Variants in SBSPON observed in about 807,000 individuals in gnomAD.
SBSPON encodes the protein somatomedin-B and thrombospondin type-1 domain-containing protein.
In SBSPON, 30 loss-of-function variants were observed where a neutral mutation model predicts 35.8. That is an observed-to-expected ratio of 0.84 (90% CI 0.63 to 1.14). The LOEUF (loss-of-function observed/expected upper bound fraction) is 1.14, where lower values mean the gene tolerates loss of function less well. SBSPON is among the 50% of genes most tolerant of loss of function. The pLI, the probability that SBSPON is intolerant of heterozygous loss-of-function variation, is 0.00. For synonymous variants in SBSPON, 136 were observed against 135.9 expected (o/e 1.00, Z 0.00); for missense variants, 364 against 357.7 (o/e 1.02, Z -0.14).
At chr8:73,088,774 T>C (rs1334517947) in intron 1 of SBSPON, among the ~76,000 whole-genome samples, 6 of 152,228 alleles carry the variant, frequency 3.9e-5, no homozygotes, top group Non-Finnish European at 7.3e-5. Context: ...TGCTGAAACC[T>C]GATTTATCTA....
At chr8:73,068,810 G>A (rs1254865408) in intron 4 of SBSPON, among the ~76,000 whole-genome samples, 1 of 152,154 alleles carries the variant, frequency 6.6e-6, no homozygotes, top group Non-Finnish European at 1.5e-5. Context: ...GCCAAAGCCG[G>A]CCTACCCCTT....
At chr8:73,080,949 CT>C in intron 2 of SBSPON, 69 bp downstream of exon 2, 1 of 1,400,046 alleles carries the variant, frequency 7.1e-7, no homozygotes, top group Non-Finnish European at 9.7e-7. Context: ...AGCATATGGC[CT>C]TTTGTAGGAT....
At chr8:73,092,069 T>G (rs538314407) in intron 1 of SBSPON, among the ~76,000 whole-genome samples, 136 of 152,358 alleles carry the variant, frequency 8.9e-4, no homozygotes, top group African/African-American at 3.2e-3. Context: ...TGTTCCTTTA[T>G]CTTTTAATTC....
chr8:73,069,719 A>C, intron 4 of SBSPON, 86 bp downstream of exon 4: 1 of 1,112,440 alleles, frequency 9.0e-7, no homozygotes, highest in East Asian at 2.4e-5. Context: ...GATATGTTAC[A>C]TACTGGTCAG....
intron 2 of SBSPON, chr8:73,075,647 T>C (rs912788786): frequency 3.0e-5 from 6 of 202,030 alleles, no homozygotes; most frequent in Middle Eastern, 2.3e-3. Context: ...TGCATATACT[T>C]ACTTTGAACA....
Position 73,092,928 on chromosome 8 carries a change from T to G in SBSPON, c.140A>C (p.Tyr47Ser), listed in dbSNP as rs1416222377. ...FARGWRLDRV[Y>S]GTCFCDQACR... is the part of the protein sequence containing the mutation. ...GGCTTGGTCGCAGAAACACGTCCCG[T>G]AGACCCTGTCCAGCCTCCAGCCGCG... is the stretch of plus-strand genomic sequence containing the variant. The change falls in exon 1 of 5, where the codon TAC becomes TCC. Residue 47 changes from tyrosine to serine, a missense_variant. Coordinates refer to ENST00000297354, the MANE Select transcript of SBSPON (RefSeq NM_153225.4). The G allele has an allele frequency of 6.2e-7, 1 of 1,610,638 alleles. No homozygotes were observed. The highest frequency in any genetic ancestry group is 1.1e-5 in the South Asian group (1 of 90,674).
intron 1 of SBSPON, 74 bp downstream of exon 1, chr8:73,092,780 G>A: frequency 1.7e-6 from 2 of 1,207,870 alleles, no homozygotes; most frequent in Non-Finnish European, 1.2e-6. Context: ...TGAGGTCCTT[G>A]GCACAGCGCC....
At chr8:73,092,447 G>A (rs1810953565) in intron 1 of SBSPON, among the ~76,000 whole-genome samples, 1 of 152,234 alleles carries the variant, frequency 6.6e-6, no homozygotes, top group South Asian at 2.1e-4. Flanking sequence ...AGATCCCCGA[G>A]GGTTGACAGA....
At chr8:73,083,291 G>T (rs1263373351) in intron 1 of SBSPON, among the ~76,000 whole-genome samples, 1 of 152,022 alleles carries the variant, frequency 6.6e-6, no homozygotes, top group African/African-American at 2.4e-5. Context: ...AAAGTTGTAG[G>T]GTCCAGAACA....
intron 1 of SBSPON, among the ~76,000 whole-genome samples, chr8:73,091,319 T>C (rs768675191): frequency 1.1e-4 from 17 of 152,218 alleles, no homozygotes; most frequent in Non-Finnish European, 2.5e-4. Flanking sequence ...TCCTTCCAGG[T>C]CAGCTCCTGG....
At chr8:73,080,364 A>C (rs1402036396) in intron 2 of SBSPON, among the ~76,000 whole-genome samples, 1 of 151,964 alleles carries the variant, frequency 6.6e-6, no homozygotes, top group Non-Finnish European at 1.5e-5. Context: ...AAATACAAAA[A>C]ATTAGCCGGG....
At chr8:73,084,984 T>C (rs1277666088) in intron 1 of SBSPON, among the ~76,000 whole-genome samples, 3 of 152,180 alleles carry the variant, frequency 2.0e-5, no homozygotes, top group African/African-American at 7.2e-5. Flanking sequence ...TGAAATGGCA[T>C]TGGGCATGTT....
intron 1 of SBSPON, 60 bp downstream of exon 1, chr8:73,092,794 C>G: frequency 7.3e-7 from 1 of 1,373,084 alleles, no homozygotes; most frequent in Non-Finnish European, 1.0e-6. Context: ...CAGCGCCCTG[C>G]CCTGTGCCCG....
rs958659624 is a variant in SBSPON at position 73,081,333 on chromosome 8, G to C, written c.215-120C>G. On this transcript the variant is annotated intron_variant, in intron 1 of 4. Transcript: ENST00000297354. ...TAAACTTTGCCTGGCCCCAGGCCCT[G>C]TATCAGGAGACGCACACAAAGCCTC... is the stretch of plus-strand genomic sequence containing the variant. The C allele has an allele frequency of 2.2e-5, 17 of 765,752 alleles. No homozygotes were observed. The African/African-American group carries it at 2.9e-4, about 13-fold the overall frequency. 47.4% of individuals were successfully genotyped at this position (765,752 alleles called of 1,614,324 possible). A position where few individuals can be genotyped will look rare whatever the true frequency, so the allele number is the denominator to read the frequency against.
chr8:73,081,336 T>A, intron 1 of SBSPON, 123 bp from the exon 2 acceptor site: 2 of 733,494 alleles, frequency 2.7e-6, no homozygotes, highest in South Asian at 4.9e-5. Flanking sequence ...AGGCCCTGTA[T>A]CAGGAGACGC....
At chr8:73,074,154 A>G (rs957894463) in intron 2 of SBSPON, among the ~76,000 whole-genome samples, 3 of 152,320 alleles carry the variant, frequency 2.0e-5, no homozygotes. Context: ...GCAGCATTAC[A>G]CAAGTCCACC....
chr8:73,073,218 C>G (rs1304371120), intron 2 of SBSPON, among the ~76,000 whole-genome samples: 1 of 152,224 alleles, frequency 6.6e-6, no homozygotes, highest in Non-Finnish European at 1.5e-5. Flanking sequence ...GGCCCTACTT[C>G]CCTGCAGTCT....
At chr8:73,083,555 T>C (rs2130027589) in intron 1 of SBSPON, among the ~76,000 whole-genome samples, 1 of 152,372 alleles carries the variant, frequency 6.6e-6, no homozygotes, top group East Asian at 1.9e-4. Context: ...CTCTGACAGA[T>C]TTATTTCAAG....
rs1810390700 is a variant in SBSPON at position 73,066,565 on chromosome 8, CT to C, written c.*775del. The C allele has an allele frequency of 6.6e-6, 1 of 152,156 alleles. No homozygotes were observed. The highest frequency in any genetic ancestry group is 1.5e-5 in the Non-Finnish European group (1 of 68,038). The allele number at this position is 152,156 out of a possible 1,614,324, so 9.4% of individuals were successfully genotyped here. ...AAAGATTATTTTATTCAGCTTCAGGCTTTAAGCCTTGGAAATAATCTTAGAT... is the reference window on the plus strand; with the variant it reads ...AAAGATTATTTTATTCAGCTTCAGGCTTAAGCCTTGGAAATAATCTTAGAT... On this transcript the variant is annotated 3_prime_UTR_variant, in exon 5 of 5. Coordinates refer to ENST00000297354, the MANE Select transcript of SBSPON (RefSeq NM_153225.4).
Sources: allele counts gnomAD v4.1 joint callset (sites outside exome capture counted in the v4.1 genomes callset), GRCh38; gene constraint gnomAD v4.1.1; transcripts MANE v1.5; gene names NCBI Gene and HGNC (gene_info 2026-07-23, HGNC 2026-07-21).